DNAH12: variants seen among roughly 807,000 people sequenced by gnomAD.
The protein encoded by DNAH12 is axonemal beta dynein heavy chain 12.
A neutral mutation model predicts 371.5 loss-of-function variants in DNAH12; 285 were observed. The ratio of observed to expected loss-of-function variants is 0.77; its 90% CI spans 0.70 to 0.85. The LOEUF (loss-of-function observed/expected upper bound fraction) is 0.85, where lower values mean the gene tolerates loss of function less well. DNAH12 is among the 40% of genes least tolerant of loss of function. The pLI is 0.00. For synonymous variants in DNAH12, 1,200 were observed against 1,213.0 expected (o/e 0.99, Z 0.22); for missense variants, 3,611 against 3,689.4 (o/e 0.98, Z 0.55).
In DNAH12 at chr3:57,334,560, T is replaced by A. The variant is rs1436708531; in HGVS notation, c.9883A>T (p.Lys3295Ter). 1 of 1,550,702 alleles carries A rather than the reference T, an allele frequency of 6.4e-7. No homozygotes were observed. The highest frequency in any genetic ancestry group is 8.7e-7 in the Non-Finnish European group (1 of 1,146,866). ...IYEWREIYDS[K>*]EPHNAKFPAP... is the part of the protein sequence containing the mutation. ...GGAAATTTAGCATTATGTGGCTCTTTACTGTCATAGATTTCTCGCCATTCA... is the reference window on the plus strand; with the variant it reads ...GGAAATTTAGCATTATGTGGCTCTTAACTGTCATAGATTTCTCGCCATTCA... Residue 3295 changes from lysine to a stop codon, truncating the protein, a stop_gained, in exon 62 of 74, where the codon AAA becomes TAA. Transcript: ENST00000495027. LOFTEE classifies it high-confidence loss of function.
chr3:57,502,532 A>G (rs2067589120), intron 9 of DNAH12, 53 bp from the exon 10 acceptor site: 1 of 1,514,542 alleles, frequency 6.6e-7, no homozygotes, highest in Non-Finnish European at 9.0e-7. Context: ...TAACTGTATA[A>G]TTAATCTATA....
intron 30 of DNAH12, among the ~76,000 whole-genome samples, chr3:57,436,687 C>T (rs1244820912): frequency 6.6e-6 from 1 of 152,150 alleles, no homozygotes; most frequent in African/African-American, 2.4e-5. Flanking sequence ...AGGTGCCTCC[C>T]TGGGAAGGGA....
At chr3:57,494,871 T>C (rs1291435696) in intron 11 of DNAH12, among the ~76,000 whole-genome samples, 1 of 151,930 alleles carries the variant, frequency 6.6e-6, no homozygotes, top group Non-Finnish European at 1.5e-5. Flanking sequence ...TATCCCACCA[T>C]AGTGGCATAT....
rs537963574 is a variant in DNAH12 at position 57,308,785 on chromosome 3, C to G, written c.11189+366G>C. ...CCTCAGGCACTCTCTAATTAGATGT[C>G]CTAGGTCCTCCCAATTCTTAGTCCT... On this transcript the variant is annotated intron_variant, in intron 69 of 73. Transcript: ENST00000495027. Among the ~76,000 whole-genome samples the G allele has an allele frequency of 2.6e-5, 4 of 152,308 alleles. No homozygotes were observed. The East Asian group carries it at 5.8e-4, about 22-fold the overall frequency.
intron 4 of DNAH12, among the ~76,000 whole-genome samples, chr3:57,522,257 A>G (rs1181176141): frequency 6.6e-6 from 1 of 152,094 alleles, no homozygotes; most frequent in Non-Finnish European, 1.5e-5. Context: ...AAGAAAAAAT[A>G]TCCTTTGAAT....
chr3:57,434,552 G>T (rs1246688242), intron 30 of DNAH12, among the ~76,000 whole-genome samples: 2 of 152,058 alleles, frequency 1.3e-5, no homozygotes, highest in Non-Finnish European at 2.9e-5. Context: ...CTTAATAACA[G>T]AAGTTGGTAC....
At chr3:57,526,489 C>T (rs961032343) in intron 2 of DNAH12, among the ~76,000 whole-genome samples, 5 of 149,140 alleles carry the variant, frequency 3.4e-5, no homozygotes, top group Non-Finnish European at 7.4e-5. Context: ...CAGAGCAGCC[C>T]ATTCATCTGT....
At chr3:57,463,215 A>C (rs2066106069) in intron 17 of DNAH12, among the ~76,000 whole-genome samples, 1 of 151,982 alleles carries the variant, frequency 6.6e-6, no homozygotes, top group Non-Finnish European at 1.5e-5. Flanking sequence ...TTGAGGTTAC[A>C]GTGAGCTAAG....
chr3:57,502,255 C>T (rs1000808384), intron 10 of DNAH12, 68 bp downstream of exon 10: 21 of 1,585,680 alleles, frequency 1.3e-5, no homozygotes, highest in South Asian at 1.1e-4. Flanking sequence ...GACAAACAAA[C>T]ATCTGACCAA....
At chr3:57,390,536 T>C (rs1219766346) in intron 45 of DNAH12, among the ~76,000 whole-genome samples, 1 of 141,698 alleles carries the variant, frequency 7.1e-6, no homozygotes, top group East Asian at 2.3e-4. Flanking sequence ...CAGTTCATAA[T>C]AAATAGGCAA....
At chr3:57,488,737 G>A (rs2067018820) in intron 12 of DNAH12, among the ~76,000 whole-genome samples, 1 of 152,114 alleles carries the variant, frequency 6.6e-6, no homozygotes, top group African/African-American at 2.4e-5. Context: ...CATCTTTACA[G>A]AAGTTACAAG....
intron 25 of DNAH12, among the ~76,000 whole-genome samples, chr3:57,448,399 G>T (rs968924904): frequency 6.6e-6 from 1 of 151,972 alleles, no homozygotes; most frequent in Non-Finnish European, 1.5e-5. Context: ...GAGAGAAGCT[G>T]CAGACCTTCG....
chr3:57,489,790 A>G (rs1408702859), intron 11 of DNAH12, 103 bp from the exon 12 acceptor site: 2 of 1,204,600 alleles, frequency 1.7e-6, no homozygotes, highest in African/African-American at 3.2e-5. Flanking sequence ...ATACAACTTT[A>G]TTTCTTTTTT....
At position 57,523,832 on chromosome 3, in the gene DNAH12, G is replaced by C. The variant is rs2068534324; in HGVS notation, c.223C>G (p.Leu75Val). 3.1e-6 allele frequency: 5 copies of C among 1,607,756 alleles called. No homozygotes were observed. The change falls in exon 3 of 74, where the codon CTA becomes GTA. Residue 75 changes from leucine (L) to valine (V), a missense_variant. Physicochemically the swap from Leu to Val is conservative, Grantham distance 32. This residue lies in a region of DNAH12 where 1,314 missense variants were observed against 1,398.7 expected (regional missense o/e 0.94). Transcript: ENST00000495027. ...TGAGGATAATCAGGTGGTGGTAATA[G>C]AGGTGTTCTTTTACCCAGTGTTCTG... Reference protein sequence around the residue: ...LDRTLGKRTPLLPPPDYPQTM... With the variant: ...LDRTLGKRTPVLPPPDYPQTM...
intron 57 of DNAH12, among the ~76,000 whole-genome samples, chr3:57,365,258 C>A (rs1233614063): frequency 6.6e-6 from 1 of 152,170 alleles, no homozygotes; most frequent in Non-Finnish European, 1.5e-5. Flanking sequence ...TACATATACA[C>A]CATGGAATAC....
chr3:57,302,567 A>ATATATATATATATTTATTTTTTTTT (rs2061380979), intron 69 of DNAH12, among the ~76,000 whole-genome samples: 1 of 27,480 alleles, frequency 3.6e-5, no homozygotes, highest in African/African-American at 1.3e-4. Flanking sequence ...ATATATATGT[A>ATATATATATATATTTATTTTTTTTT]TTTTTTTTTT....
chr3:57,428,427 G>T (rs2153364853), intron 34 of DNAH12: 1 of 1,519,296 alleles, frequency 6.6e-7, no homozygotes, highest in Non-Finnish European at 8.8e-7. Context: ...TAGACACTAT[G>T]GTTGTATACA....
chr3:57,327,837 G>C (rs1282042997), intron 62 of DNAH12, among the ~76,000 whole-genome samples: 1 of 152,200 alleles, frequency 6.6e-6, no homozygotes, highest in Admixed American at 6.5e-5. Context: ...AAAAAAAAGA[G>C]AGAAGAATCA....
intron 2 of DNAH12, among the ~76,000 whole-genome samples, chr3:57,540,737 C>T (rs1017953415): frequency 6.6e-6 from 1 of 152,040 alleles, no homozygotes; most frequent in South Asian, 2.1e-4. Context: ...TGAGACCAGA[C>T]TGGGCAACAT....
Sources: gnomAD v4.1 joint callset for allele counts (sites outside exome capture counted in the v4.1 genomes callset) on GRCh38, gnomAD v4.1.1 for gene constraint, gnomAD v4.1.1 regional missense constraint, MANE v1.5 for transcripts, NCBI Gene and HGNC (gene_info 2026-07-23, HGNC 2026-07-21) for gene names.